GPR39: variants seen among roughly 807,000 people sequenced by gnomAD.
GPR39 encodes the protein G protein-coupled receptor 39.
A neutral mutation model predicts 18.4 loss-of-function variants in GPR39; 23 were observed. That is an observed-to-expected ratio of 1.25 (90% confidence interval 0.90 to 1.77). GPR39 has a LOEUF of 1.77. GPR39 is among the 40% of genes most tolerant of loss of function. The pLI, the probability that GPR39 is intolerant of heterozygous loss-of-function variation, is 0.00. For synonymous variants in GPR39, 280 were observed against 257.9 expected, an observed-to-expected ratio of 1.09 and a Z score of -0.82; for missense variants, 647 against 602.4, an observed-to-expected ratio of 1.07 and a Z score of -0.78.
intron 1 of GPR39, among the ~76,000 whole-genome samples, chr2:132,530,658 G>A (rs1331054680): frequency 6.6e-6 from 1 of 152,206 alleles, no homozygotes; most frequent in Non-Finnish European, 1.5e-5. Flanking sequence ...TGATCTCTTG[G>A]CAGAAACTCT....
intron 1 of GPR39, among the ~76,000 whole-genome samples, chr2:132,428,465 G>C (rs1680167983): frequency 1.3e-5 from 2 of 152,176 alleles, no homozygotes; most frequent in Admixed American, 6.5e-5. Context: ...GCTAGTTCTA[G>C]TAAATGTTCT....
intron 1 of GPR39, among the ~76,000 whole-genome samples, chr2:132,559,442 T>C (rs1183142644): frequency 6.6e-6 from 1 of 152,094 alleles, no homozygotes; most frequent in Non-Finnish European, 1.5e-5. Context: ...GACGTAGAGC[T>C]GGAAATCAGG....
At chr2:132,567,861 T>A (rs926703328) in intron 1 of GPR39, among the ~76,000 whole-genome samples, 4 of 151,146 alleles carry the variant, frequency 2.6e-5, no homozygotes, top group Non-Finnish European at 5.9e-5. Flanking sequence ...CGAGATCTGA[T>A]GGTTTTAAAA....
At chr2:132,515,956 A>G (rs1351584175) in intron 1 of GPR39, among the ~76,000 whole-genome samples, 1 of 152,282 alleles carries the variant, frequency 6.6e-6, no homozygotes, top group African/African-American at 2.4e-5. Flanking sequence ...CTCCCATGTC[A>G]TGTAAAATTT....
At chr2:132,602,871 G>GAGA (rs1553459508) in intron 1 of GPR39, among the ~76,000 whole-genome samples, 3 of 137,962 alleles carry the variant, frequency 2.2e-5, no homozygotes, top group Non-Finnish European at 4.6e-5. Context: ...CTTAAAAAGA[G>GAGA]AAAAAAAAAA....
chr2:132,478,144 C>A (rs983051561), intron 1 of GPR39, among the ~76,000 whole-genome samples: 9 of 152,112 alleles, frequency 5.9e-5, no homozygotes, highest in African/African-American at 2.2e-4. Flanking sequence ...CTTTAAAAAC[C>A]ACAAACTGCT....
At chr2:132,628,835 C>T (rs1681598893) in intron 1 of GPR39, among the ~76,000 whole-genome samples, 1 of 151,934 alleles carries the variant, frequency 6.6e-6, no homozygotes, top group Non-Finnish European at 1.5e-5. Flanking sequence ...TTGGCACACA[C>T]TTTAATGAGA....
intron 1 of GPR39, among the ~76,000 whole-genome samples, chr2:132,591,278 CAA>C (rs1325880889): frequency 2.2e-4 from 9 of 41,120 alleles, no homozygotes; most frequent in Non-Finnish European, 4.0e-4. Flanking sequence ...AAAAAAAAAA[CAA>C]AAAAAAACAG....
chr2:132,435,429 T>C (rs1211308531), intron 1 of GPR39, among the ~76,000 whole-genome samples: 3 of 152,346 alleles, frequency 2.0e-5, no homozygotes, highest in Admixed American at 1.3e-4. Context: ...TCTCTTTCTC[T>C]AGCTTACTTT....
At chr2:132,587,815 A>G (rs769960305) in intron 1 of GPR39, among the ~76,000 whole-genome samples, 7 of 152,242 alleles carry the variant, frequency 4.6e-5, no homozygotes, top group Non-Finnish European at 7.3e-5. Flanking sequence ...GATTACAGGC[A>G]TGAGCCACTG....
At chr2:132,626,963 T>G (rs1681554809) in intron 1 of GPR39, among the ~76,000 whole-genome samples, 2 of 152,214 alleles carry the variant, frequency 1.3e-5, no homozygotes, top group East Asian at 1.9e-4. Context: ...TCTCACAATG[T>G]TATGTCTTTG....
intron 1 of GPR39, among the ~76,000 whole-genome samples, chr2:132,597,578 C>G (rs962122258): frequency 6.6e-6 from 1 of 152,194 alleles, no homozygotes; most frequent in Non-Finnish European, 1.5e-5. Context: ...GATCCAGAAG[C>G]ACTCTTGGAA....
chr2:132,552,843 T>C (rs201598486), intron 1 of GPR39, among the ~76,000 whole-genome samples: 17,989 of 146,726 alleles, frequency 0.12, 1,865 homozygotes, highest in East Asian at 0.54. Flanking sequence ...CATATATATA[T>C]ATACACACAT....
At position 132,427,131 on chromosome 2, in the gene GPR39, C is replaced by CATATATATAT. The variant is rs199931479; in HGVS notation, c.856+9258_856+9267dup. 9.4e-3 allele frequency among the ~76,000 whole-genome samples: 759 copies of CATATATATAT among 80,448 alleles called. 6 individuals are homozygous for CATATATATAT. The highest frequency in any genetic ancestry group is 0.019 in the South Asian group (42 of 2,190). 52.8% of individuals were successfully genotyped at this position (80,448 alleles called of 152,430 possible). A position where few individuals can be genotyped will look rare whatever the true frequency, so the allele number is the denominator to read the frequency against. On this transcript the variant is annotated intron_variant, in intron 1 of 1. Coordinates refer to ENST00000329321, the MANE Select transcript of GPR39 (RefSeq NM_001508.3). ...TATATATAATATACATATATAGGTACATATATATATATATATATATATATA... is the reference window on the plus strand; with the variant it reads ...TATATATAATATACATATATAGGTACATATATATATATATATATATATATATATATATATA...
chr2:132,604,093 A>C (rs1681093215), intron 1 of GPR39, among the ~76,000 whole-genome samples: 1 of 152,062 alleles, frequency 6.6e-6, no homozygotes, highest in African/African-American at 2.4e-5. Context: ...TGCTTGCCCT[A>C]CTGTGAGTCC....
At chr2:132,580,996 A>C (rs556259200) in intron 1 of GPR39, among the ~76,000 whole-genome samples, 57 of 151,434 alleles carry the variant, frequency 3.8e-4, no homozygotes, top group African/African-American at 1.4e-3. Context: ...ACCAAAAAAA[A>C]ACAACAAAAA....
chr2:132,476,426 A>G (rs189717738), intron 1 of GPR39, among the ~76,000 whole-genome samples: 3 of 152,210 alleles, frequency 2.0e-5, no homozygotes, highest in Admixed American at 2.0e-4. Context: ...ACTTGAGGTC[A>G]GGAGTTCAAG....
chr2:132,643,046 C>T (rs1416911373), intron 1 of GPR39, among the ~76,000 whole-genome samples: 2 of 152,130 alleles, frequency 1.3e-5, no homozygotes, highest in African/African-American at 4.8e-5. Flanking sequence ...CTGGGAACAC[C>T]TGTACTCCTC....
chr2:132,491,696 T>C (rs1232135499), intron 1 of GPR39, among the ~76,000 whole-genome samples: 2 of 151,908 alleles, frequency 1.3e-5, no homozygotes, highest in Non-Finnish European at 2.9e-5. Flanking sequence ...TCGAAGTGTG[T>C]ATTATAGTAA....
Sources: allele counts gnomAD v4.1 joint callset (sites outside exome capture counted in the v4.1 genomes callset), GRCh38; gene constraint gnomAD v4.1.1; transcripts MANE v1.5; gene names NCBI Gene and HGNC (gene_info 2026-07-23, HGNC 2026-07-21).